The following SHISA8 variants were observed in gnomAD, a reference collection of about 807,000 sequenced individuals.
The protein encoded by SHISA8 is protein shisa-8.
SHISA8 carries 21 observed loss-of-function variants against 21.1 expected under a neutral mutation model. The ratio of observed to expected loss-of-function variants is 0.99; its 90% CI spans 0.71 to 1.43. The LOEUF is 1.43. Among genes scored for constraint, SHISA8 ranks in the 40% most tolerant of loss-of-function variants. The pLI is 0.00. For synonymous variants in SHISA8, 300 were observed against 291.4 expected (o/e 1.03, Z -0.30); for missense variants, 535 against 599.1 (o/e 0.89, Z 1.12).
chr22:41,911,258 TCTG>T lies in SHISA8; in HGVS notation c.619_621del (p.Gln207del). 2 of 1,283,964 alleles carry T rather than the reference TCTG, an allele frequency of 1.6e-6. No homozygotes were observed. Among genetic ancestry groups the T allele is most frequent in the Non-Finnish European group, 2.0e-6 (2 of 1,015,398 alleles). The allele number at this position is 1,283,964 out of a possible 1,614,324, so 79.5% of individuals were successfully genotyped here. On this transcript the variant is annotated inframe_deletion, in exon 2 of 4. Coordinates refer to ENST00000621082, the MANE Select transcript of SHISA8 (RefSeq NM_001207020.3). Reference sequence around the variant, plus strand: ...GAGCCCCGGGGGAGGCCGTCCCCCATCTGCACCTGGACACAGCCACCCAGGGGT... The same window carrying T: ...GAGCCCCGGGGGAGGCCGTCCCCCATCACCTGGACACAGCCACCCAGGGGT...
chr22:41,913,910 G>A (rs1271988645), intron 1 of SHISA8, among the ~76,000 whole-genome samples: 1 of 152,068 alleles, frequency 6.6e-6, no homozygotes, highest in Non-Finnish European at 1.5e-5. Context: ...CTCGAGCAGG[G>A]AAAGGCGGTG....
Position 41,914,296 on chromosome 22 carries a change from G to A in SHISA8, c.372C>T (p.Ala124=), listed in dbSNP as rs2077570918. The change falls in exon 1 of 4, where the codon GCC becomes GCT. Residue 124 remains alanine, a synonymous_variant. Transcript: ENST00000621082. The surrounding 1 kb of genome is among the most constrained non-coding windows in gnomAD (Gnocchi z 6.8). ...GGTCCCGGGGCGCTGCGGTGTCGCG[G>A]GCGCGGGCGGGCGGCCGGCCTGTCT... is the stretch of plus-strand genomic sequence containing the variant. ...WVQTGRPPAR[A]RDTAAPRDPG... 1.6e-6 allele frequency: 2 copies of A among 1,251,922 alleles called. No homozygotes were observed. Among genetic ancestry groups the A allele is most frequent in the South Asian group, 3.3e-5 (1 of 30,574 alleles). 77.6% of individuals were successfully genotyped at this position (1,251,922 alleles called of 1,614,324 possible).
chr22:41,914,542 C>G lies in SHISA8; in HGVS notation c.126G>C (p.Glu42Asp), dbSNP rs2077573777. The stretch of plus-strand genomic sequence containing the variant: ...TGCCGGGCGCCGCGGGACCCTGCGC[C>G]TCGGGGGCTCCCGCGCGGCCCGACG... ...RPPSGRAGAP[E>D]AQGPAAPGTT... is the part of the protein sequence containing the mutation. Residue 42 changes from glutamate to aspartate, a missense_variant, in exon 1 of 4, where the codon GAG (glutamate) becomes GAC (aspartate). Glu to Asp is a conservative substitution (Grantham distance 45, BLOSUM62 2). Coordinates refer to ENST00000621082, the MANE Select transcript of SHISA8 (RefSeq NM_001207020.3). The surrounding 1 kb of genome is among the most constrained non-coding windows in gnomAD (Gnocchi z 6.8). The G allele has an allele frequency of 2.5e-6, 3 of 1,199,002 alleles. No homozygotes were observed. The South Asian group carries it at 1.2e-4, about 50-fold the overall frequency. The allele number at this position is 1,199,002 out of a possible 1,614,324, so 74.3% of individuals were successfully genotyped here.
chr22:41,911,404 G>A, intron 1 of SHISA8, 55 bp from the exon 2 acceptor site: 1 of 1,234,656 alleles, frequency 8.1e-7, no homozygotes, highest in Non-Finnish European at 1.0e-6. Context: ...TCAAAAGCCA[G>A]CCCCGGCCAC....
In SHISA8 at chr22:41,914,501, C is replaced by T; in HGVS notation, c.167G>A (p.Gly56Glu). The part of the protein sequence containing the change: ...PAAPGTTAPE[G>E]GDRCRGYYDV... The stretch of plus-strand genomic sequence containing the variant: ...GTAGTAGCCGCGGCAGCGGTCGCCC[C>T]CCTCCGGGGCTGTCGTGCCGGGCGC... Residue 56 changes from glycine to glutamate, a missense_variant, in exon 1 of 4, where the codon GGG (glycine) becomes GAG (glutamate). Coordinates refer to ENST00000621082, the MANE Select transcript of SHISA8 (RefSeq NM_001207020.3). The surrounding 1 kb of genome is among the most constrained non-coding windows in gnomAD (Gnocchi z 6.8). 1 of 1,262,848 alleles carries T rather than the reference C, an allele frequency of 7.9e-7. No homozygotes were observed. Among genetic ancestry groups the T allele is most frequent in the Non-Finnish European group, 1.0e-6 (1 of 1,003,530 alleles). The allele number at this position is 1,262,848 out of a possible 1,614,324, so 78.2% of individuals were successfully genotyped here.
At chr22:41,913,206 A>G (rs532896372) in intron 1 of SHISA8, among the ~76,000 whole-genome samples, 5 of 152,262 alleles carry the variant, frequency 3.3e-5, no homozygotes, top group Non-Finnish European at 7.3e-5. Flanking sequence ...CCTGCCTCTG[A>G]GGCCCAGGAG....
At position 41,909,723 on chromosome 22, in the gene SHISA8, A is replaced by C; in HGVS notation, c.*42T>G. ...TGTGGCCTGAGGCTCCGACGGGCAG[A>C]CAGGACCCCAGCCCATGCCTCGAGG... On this transcript the variant is annotated 3_prime_UTR_variant, in exon 4 of 4. Coordinates refer to ENST00000621082, the MANE Select transcript of SHISA8 (RefSeq NM_001207020.3). The C allele has an allele frequency of 7.3e-7, 1 of 1,368,688 alleles. No homozygotes were observed. The highest frequency in any genetic ancestry group is 9.4e-7 in the Non-Finnish European group (1 of 1,060,856). 84.8% of individuals were successfully genotyped at this position (1,368,688 alleles called of 1,614,324 possible). A position where few individuals can be genotyped will look rare whatever the true frequency, so the allele number is the denominator to read the frequency against.
At position 41,914,264 on chromosome 22, in the gene SHISA8, C is replaced by A; in HGVS notation, c.404G>T (p.Arg135Leu). The A allele has an allele frequency of 7.6e-7, 1 of 1,308,004 alleles. No homozygotes were observed. The highest frequency in any genetic ancestry group is 9.7e-7 in the Non-Finnish European group (1 of 1,034,476). The allele number at this position is 1,308,004 out of a possible 1,614,324, so 81.0% of individuals were successfully genotyped here. A position where few individuals can be genotyped will look rare whatever the true frequency, so the allele number is the denominator to read the frequency against. ...GTAGACGGCCGTATGGCTGCGCTCG[C>A]GGCCGGGGTCCCGGGGCGCTGCGGT... ...RDTAAPRDPGRERSHTAVYAV... is the reference protein window; with the variant it reads ...RDTAAPRDPGLERSHTAVYAV... Residue 135 changes from arginine to leucine, a missense_variant, in exon 1 of 4, where the codon CGC becomes CTC. Arg to Leu is a moderately radical substitution (Grantham distance 102). Transcript: ENST00000621082. This position sits in a 1 kb window ranked among gnomAD's most constrained non-coding sequence, Gnocchi z 6.8.
At position 41,910,431 on chromosome 22, in the gene SHISA8, T is replaced by G; in HGVS notation, c.788A>C (p.Lys263Thr). 7.3e-7 allele frequency: 1 copy of G among 1,360,580 alleles called. No homozygotes were observed. The highest frequency in any genetic ancestry group is 9.5e-7 in the Non-Finnish European group (1 of 1,057,090). 84.3% of individuals were successfully genotyped at this position (1,360,580 alleles called of 1,614,324 possible). Residue 263 changes from lysine to threonine, a missense_variant, in exon 3 of 4, where the codon AAG becomes ACG. Transcript: ENST00000621082. This position sits in a 1 kb window ranked among gnomAD's most constrained non-coding sequence, Gnocchi z 6.8. The stretch of plus-strand genomic sequence containing the variant: ...ACCTGCGGCCTTGAGCGCGGCGGCC[T>G]TGAACGTGGCGTACTTGGCGTAGTC... ...QPDYAKYATF[K>T]AAALKAAEAA...
intron 1 of SHISA8, among the ~76,000 whole-genome samples, 180 bp downstream of exon 1, chr22:41,913,958 G>A (rs922072403): frequency 6.6e-6 from 1 of 151,700 alleles, no homozygotes; most frequent in African/African-American, 2.4e-5. Context: ...AGGGAGTCAG[G>A]GCGGTGTCAG....
In SHISA8 at chr22:41,910,370, GC is replaced by G; in HGVS notation, c.811+37del. The G allele has an allele frequency of 1.1e-6, 1 of 943,194 alleles. No individual in the cohort carries two copies. The highest frequency in any genetic ancestry group is 1.3e-6 in the Non-Finnish European group (1 of 747,712). The allele number at this position is 943,194 out of a possible 1,614,324, so 58.4% of individuals were successfully genotyped here. A position where few individuals can be genotyped will look rare whatever the true frequency, so the allele number is the denominator to read the frequency against. On this transcript the variant is annotated intron_variant, in intron 3 of 3. Coordinates refer to ENST00000621082, the MANE Select transcript of SHISA8 (RefSeq NM_001207020.3). This position sits in a 1 kb window ranked among gnomAD's most constrained non-coding sequence, Gnocchi z 6.8. The stretch of plus-strand genomic sequence containing the variant: ...CGCTTCGCAGTCCGGGAGCTCGTGC[GC>G]CCAGGTGCCCTGACGCTGCCCGCAC...
Position 41,910,212 on chromosome 22 carries a change from G to T in SHISA8, c.812-65C>A, listed in dbSNP as rs2077539263. 8.1e-7 allele frequency: 1 copy of T among 1,227,318 alleles called. No homozygotes were observed. The highest frequency in any genetic ancestry group is 1.0e-6 in the Non-Finnish European group (1 of 985,224). 76.0% of individuals were successfully genotyped at this position (1,227,318 alleles called of 1,614,324 possible). On this transcript the variant is annotated intron_variant, in intron 3 of 3. Coordinates refer to ENST00000621082, the MANE Select transcript of SHISA8 (RefSeq NM_001207020.3). This position sits in a 1 kb window ranked among gnomAD's most constrained non-coding sequence, Gnocchi z 6.8. ...CACCCAAGCTCAGGACTGGACAAGG[G>T]GTCCCGGCCGGGGACTGGGACGGGG...
chr22:41,910,385 C>A lies in SHISA8; in HGVS notation c.811+23G>T. On this transcript the variant is annotated intron_variant, in intron 3 of 3. Coordinates refer to ENST00000621082, the MANE Select transcript of SHISA8 (RefSeq NM_001207020.3). This position sits in a 1 kb window ranked among gnomAD's most constrained non-coding sequence, Gnocchi z 6.8. ...GAGCTCGTGCGCCCAGGTGCCCTGA[C>A]GCTGCCCGCACCCGCCACTCACCTG... is the stretch of plus-strand genomic sequence containing the variant. 1 of 1,289,956 alleles carries A rather than the reference C, an allele frequency of 7.8e-7. No homozygotes were observed. Among genetic ancestry groups the A allele is most frequent in the Non-Finnish European group, 9.8e-7 (1 of 1,019,326 alleles). 79.9% of individuals were successfully genotyped at this position (1,289,956 alleles called of 1,614,324 possible).
In SHISA8 at chr22:41,910,451, G is replaced by A. The variant is rs982572285; in HGVS notation, c.768C>T (p.Tyr256=). The A allele has an allele frequency of 5.2e-6, 7 of 1,343,288 alleles. No individual in the cohort carries two copies. The highest frequency in any genetic ancestry group is 2.8e-4 in the Middle Eastern group (1 of 3,586). The allele number at this position is 1,343,288 out of a possible 1,614,324, so 83.2% of individuals were successfully genotyped here. A position where few individuals can be genotyped will look rare whatever the true frequency, so the allele number is the denominator to read the frequency against. ...GGGSLTLQPD[Y]AKYATFKAAA... is the part of the protein sequence containing the mutation. ...CGGCCTTGAACGTGGCGTACTTGGC[G>A]TAGTCTGGCTGCAGCGTCAGGCTGC... Residue 256 remains tyrosine, a synonymous_variant, in exon 3 of 4, where the codon TAC becomes TAT. Coordinates refer to ENST00000621082, the MANE Select transcript of SHISA8 (RefSeq NM_001207020.3). The surrounding 1 kb of genome is among the most constrained non-coding windows in gnomAD (Gnocchi z 6.8).
In SHISA8 at chr22:41,914,054, C is replaced by G. The variant is rs982134965; in HGVS notation, c.530+84G>C. Reference sequence around the variant, plus strand: ...AGAAGGGGCCTGCTGGGAGAACCAGCGCTTCGAGAGCGGCGGGAAGGATCA... The same window carrying G: ...AGAAGGGGCCTGCTGGGAGAACCAGGGCTTCGAGAGCGGCGGGAAGGATCA... On this transcript the variant is annotated intron_variant, in intron 1 of 3. Coordinates refer to ENST00000621082, the MANE Select transcript of SHISA8 (RefSeq NM_001207020.3). This position sits in a 1 kb window ranked among gnomAD's most constrained non-coding sequence, Gnocchi z 6.8. 2.1e-5 allele frequency: 27 copies of G among 1,275,178 alleles called. No homozygotes were observed. Among genetic ancestry groups the G allele is most frequent in the Non-Finnish European group, 2.6e-5 (26 of 1,005,602 alleles). 79.0% of individuals were successfully genotyped at this position (1,275,178 alleles called of 1,614,324 possible). A position where few individuals can be genotyped will look rare whatever the true frequency, so the allele number is the denominator to read the frequency against.
At position 41,909,731 on chromosome 22, in the gene SHISA8, C is replaced by G; in HGVS notation, c.*34G>C. 7.2e-7 allele frequency: 1 copy of G among 1,398,216 alleles called. No individual in the cohort carries two copies. The highest frequency in any genetic ancestry group is 9.3e-7 in the Non-Finnish European group (1 of 1,074,366). 86.6% of individuals were successfully genotyped at this position (1,398,216 alleles called of 1,614,324 possible). A position where few individuals can be genotyped will look rare whatever the true frequency, so the allele number is the denominator to read the frequency against. On this transcript the variant is annotated 3_prime_UTR_variant, in exon 4 of 4. Coordinates refer to ENST00000621082, the MANE Select transcript of SHISA8 (RefSeq NM_001207020.3). ...GAGGCTCCGACGGGCAGACAGGACC[C>G]CAGCCCATGCCTCGAGGGCACCGCG... is the stretch of plus-strand genomic sequence containing the variant.
intron 1 of SHISA8, among the ~76,000 whole-genome samples, chr22:41,913,263 T>G (rs1367775422): frequency 6.6e-6 from 1 of 152,240 alleles, no homozygotes; most frequent in Non-Finnish European, 1.5e-5. Context: ...GGCTTCTCTA[T>G]GGTCACTTTT....
At position 41,911,346 on chromosome 22, in the gene SHISA8, C is replaced by A. The variant is rs967030067; in HGVS notation, c.534G>T (p.Ala178=). The change falls in exon 2 of 4, where the codon GCG becomes GCT. Residue 178 remains alanine, a synonymous_variant. Transcript: ENST00000621082. ...CCGGCTGCTTCAGAAGCTCTGTCAGCGCCCTGCGGGGACAGCAGTCAGGGG... is the reference window on the plus strand; with the variant it reads ...CCGGCTGCTTCAGAAGCTCTGTCAGAGCCCTGCGGGGACAGCAGTCAGGGG... ...SPRARRTVTR[A]LTELLKQPGP... 2.4e-6 allele frequency: 3 copies of A among 1,241,136 alleles called. No individual in the cohort carries two copies. Among genetic ancestry groups the A allele is most frequent in the Admixed American group, 4.2e-5 (1 of 23,754 alleles). 76.9% of individuals were successfully genotyped at this position (1,241,136 alleles called of 1,614,324 possible).
chr22:41,910,561 C>G lies in SHISA8; in HGVS notation c.665-7G>C. On this transcript the variant is annotated splice_region_variant and splice_polypyrimidine_tract_variant and intron_variant, in intron 2 of 3. Transcript: ENST00000621082. This position sits in a 1 kb window ranked among gnomAD's most constrained non-coding sequence, Gnocchi z 6.8. ...TTGTTGAGGCGCTTCTTGTCTGGAG[C>G]GAGGAGTGAGACGCGGCTCGGTCCG... 8.2e-6 allele frequency: 10 copies of G among 1,225,332 alleles called. No homozygotes were observed. The highest frequency in any genetic ancestry group is 1.0e-5 in the Non-Finnish European group (10 of 983,606). The allele number at this position is 1,225,332 out of a possible 1,614,324, so 75.9% of individuals were successfully genotyped here.
Sources: gnomAD v4.1 joint callset for allele counts (sites outside exome capture counted in the v4.1 genomes callset) on GRCh38, gnomAD v4.1.1 for gene constraint, Gnocchi (gnomAD v3.1) non-coding constraint, MANE v1.5 for transcripts, NCBI Gene and HGNC (gene_info 2026-07-23, HGNC 2026-07-21) for gene names.